CRYM: variants seen among roughly 807,000 people sequenced by gnomAD.
The protein encoded by CRYM is crystallin mu, also known as ketimine reductase mu-crystallin.
A neutral mutation model predicts 32.9 loss-of-function variants in CRYM; 18 were observed. The observed-to-expected ratio is 0.55, with a 90% CI of 0.38 to 0.81. CRYM has a LOEUF of 0.81. Ranked by LOEUF, CRYM falls within the 30% of genes least tolerant of loss-of-function variation. The pLI is 0.00. For missense variants in CRYM, 337 were observed against 393.5 expected, an observed-to-expected ratio of 0.86 and a Z score of 1.21; for synonymous variants, 153 against 152.4, an observed-to-expected ratio of 1.00 and a Z score of -0.03.
intron 1 of CRYM, among the ~76,000 whole-genome samples, chr16:21,285,683 C>G (rs1206786654): frequency 6.6e-6 from 1 of 152,152 alleles, no homozygotes; most frequent in Non-Finnish European, 1.5e-5. Flanking sequence ...CCTTATTGAA[C>G]TTATGCAAAT....
chr16:21,274,310 GT>G (rs1397112135), intron 3 of CRYM, among the ~76,000 whole-genome samples: 5 of 152,146 alleles, frequency 3.3e-5, no homozygotes, highest in African/African-American at 1.2e-4. Context: ...GCCCCTCCGT[GT>G]TTTTGCATGG....
Position 21,278,225 on chromosome 16 carries a change from G to A in CRYM, c.27C>T (p.Ser9=), listed in dbSNP as rs2093391493. The A allele has an allele frequency of 1.9e-6, 3 of 1,576,196 alleles. No individual in the cohort carries two copies. The highest frequency in any genetic ancestry group is 2.4e-5 in the East Asian group (1 of 42,230). Residue 9 remains serine, a synonymous_variant, in exon 1 of 8, where the codon AGC becomes AGT. Transcript: ENST00000572914. The part of the protein sequence containing the change: MSRVPAFL[S]AAEVEEHLRS... ...GGAGGTGTTCCTCCACCTCGGCCGC[G>A]CTCAGGAACGCTGGTACCCGGCTCA...
intron 1 of CRYM, among the ~76,000 whole-genome samples, chr16:21,298,044 G>T (rs1450076943): frequency 6.6e-6 from 1 of 152,202 alleles, no homozygotes; most frequent in Non-Finnish European, 1.5e-5. Context: ...TGTATAAGTA[G>T]ATGCTTGTCC....
rs1209924189 is a variant in CRYM, at chr16:21,268,519, A to C, written c.490-782T>G. Reference sequence around the variant, plus strand: ...GTCAACTGAAAATAAGGCCTACAGAATTTCTCATAAGGAAATATAATACAT... The same window carrying C: ...GTCAACTGAAAATAAGGCCTACAGACTTTCTCATAAGGAAATATAATACAT... On this transcript the variant is annotated intron_variant, in intron 4 of 7. Transcript: ENST00000572914. 4 of 152,310 alleles carry C rather than the reference A, an allele frequency of 2.6e-5. No homozygotes were observed. The East Asian group carries it at 7.7e-4, about 29-fold the overall frequency. The allele number at this position is 152,310 out of a possible 1,614,324, so 9.4% of individuals were successfully genotyped here. A position where few individuals can be genotyped will look rare whatever the true frequency, so the allele number is the denominator to read the frequency against.
intron 1 of CRYM, chr16:21,283,538 A>G (rs565794306): frequency 2.0e-5 from 3 of 151,720 alleles, no homozygotes; most frequent in Non-Finnish European, 4.4e-5. Context: ...CGCGTGTCTC[A>G]TTCCCCTTAT....
At chr16:21,294,345 TTA>T (rs1960739164) in intron 1 of CRYM, among the ~76,000 whole-genome samples, 1 of 152,158 alleles carries the variant, frequency 6.6e-6, no homozygotes, top group East Asian at 1.9e-4. Flanking sequence ...TATTATTTTT[TTA>T]AATTTACTTT....
chr16:21,292,105 G>A (rs998072363), intron 1 of CRYM, among the ~76,000 whole-genome samples: 1 of 151,884 alleles, frequency 6.6e-6, no homozygotes, highest in African/African-American at 2.4e-5. Flanking sequence ...AATTATAAAG[G>A]CCAAAAATTG....
intron 5 of CRYM, among the ~76,000 whole-genome samples, chr16:21,262,979 C>T (rs1597613610): frequency 6.6e-6 from 1 of 152,210 alleles, no homozygotes; most frequent in East Asian, 1.9e-4. Context: ...CTTATTCACA[C>T]CTCACTCTCC....
chr16:21,301,936 C>G (rs924804394), intron 1 of CRYM, among the ~76,000 whole-genome samples: 2 of 152,222 alleles, frequency 1.3e-5, no homozygotes, highest in African/African-American at 4.8e-5. Flanking sequence ...CGGCGTCCCC[C>G]TGCGCTTGCA....
chr16:21,262,890 C>G (rs1219329001), intron 5 of CRYM, among the ~76,000 whole-genome samples: 3 of 152,166 alleles, frequency 2.0e-5, no homozygotes, highest in African/African-American at 7.2e-5. Context: ...TCTGAGAGAG[C>G]ACCTAGGCGC....
intron 1 of CRYM, among the ~76,000 whole-genome samples, chr16:21,289,978 TAAATGGACCAATCAGCACTCTGTA>T (rs749161743): frequency 5.9e-4 from 89 of 151,822 alleles, no homozygotes; most frequent in African/African-American, 1.4e-3. Flanking sequence ...TAAAGGATTG[TAAATGGACCAATCAGCACTCTGTA>T]AAATGGACCA....
intron 3 of CRYM, among the ~76,000 whole-genome samples, chr16:21,272,401 C>G (rs547329479): frequency 6.6e-6 from 1 of 152,288 alleles, no homozygotes; most frequent in African/African-American, 2.4e-5. Flanking sequence ...TGTCTTCCAG[C>G]CATACTGGCT....
chr16:21,261,683 C>A, intron 6 of CRYM: 1 of 460,534 alleles, frequency 2.2e-6, no homozygotes, highest in South Asian at 2.2e-5. Context: ...TGATTATAAC[C>A]GTAAAATGAG....
intron 3 of CRYM, among the ~76,000 whole-genome samples, chr16:21,273,232 C>T (rs1432445168): frequency 2.6e-5 from 4 of 152,130 alleles, no homozygotes; most frequent in Non-Finnish European, 5.9e-5. Flanking sequence ...GACCCTAGAG[C>T]TCCGTATACT....
chr16:21,280,838 C>T (rs1405494189), upstream of CRYM, among the ~76,000 whole-genome samples: 5 of 152,126 alleles, frequency 3.3e-5, no homozygotes, highest in African/African-American at 1.2e-4. Context: ...GGCACAGTGG[C>T]TCACACCTGT....
chr16:21,271,150 A>G lies in CRYM; in HGVS notation c.388-1259T>C, dbSNP rs376625071. ...GGAGGGGCACCAACCTGTGTATTAT[A>G]GGATGTGCAACAGTATCTCTGGTTT... On this transcript the variant is annotated intron_variant, in intron 3 of 7. Transcript: ENST00000572914. 1.3e-4 allele frequency among the ~76,000 whole-genome samples: 20 copies of G among 152,306 alleles called. No individual in the cohort carries two copies. The East Asian group carries it at 2.9e-3, about 22-fold the overall frequency.
At chr16:21,290,530 G>A (rs542927165) in intron 1 of CRYM, among the ~76,000 whole-genome samples, 68 of 152,212 alleles carry the variant, frequency 4.5e-4, no homozygotes, top group African/African-American at 1.6e-3. Context: ...TGAAGTCAGC[G>A]AGACCAAGAA....
intron 5 of CRYM, chr16:21,262,480 G>A (rs1032727314): frequency 3.3e-5 from 12 of 358,724 alleles, no homozygotes; most frequent in South Asian, 1.1e-4. Flanking sequence ...TTATCCAGGC[G>A]TGGTGGCTCA....
intron 1 of CRYM, among the ~76,000 whole-genome samples, chr16:21,293,465 GA>G (rs1432370121): frequency 2.0e-5 from 3 of 152,044 alleles, no homozygotes; most frequent in Admixed American, 1.3e-4. Flanking sequence ...GGGAAATACT[GA>G]AAAAAATCTC....
Sources: allele counts gnomAD v4.1 joint callset (sites outside exome capture counted in the v4.1 genomes callset), GRCh38; gene constraint gnomAD v4.1.1; transcripts MANE v1.5; gene names NCBI Gene and HGNC (gene_info 2026-07-23, HGNC 2026-07-21).